SCD5: variants seen among roughly 807,000 people sequenced by gnomAD.
The protein encoded by SCD5 is acyl-CoA-desaturase 4.
Under a neutral mutation model 30.4 loss-of-function variants are expected in SCD5, and 20 were observed. That is an observed-to-expected ratio of 0.66 (90% CI 0.46 to 0.96). The LOEUF (loss-of-function observed/expected upper bound fraction) is 0.96, where lower values mean the gene tolerates loss of function less well. Ranked by LOEUF, SCD5 falls within the 40% of genes least tolerant of loss-of-function variation. The probability of loss-of-function intolerance (pLI) is 0.00; values close to 1 mark genes in which losing one functional copy is unlikely to be tolerated. For missense variants in SCD5, 381 were observed against 443.3 expected (o/e 0.86, Z 1.26); for synonymous variants, 173 against 176.4 (o/e 0.98, Z 0.16).
At chr4:82,718,365 TTCTCTCCGTCCTCA>T (rs1189880749) in intron 1 of SCD5, among the ~76,000 whole-genome samples, 3 of 151,726 alleles carry the variant, frequency 2.0e-5, no homozygotes, top group East Asian at 1.9e-4. Flanking sequence ...GAGGAGCTGT[TTCTCTCCGTCCTCA>T]TCTCTCCGTC....
intron 3 of SCD5, among the ~76,000 whole-genome samples, chr4:82,665,274 A>C (rs1475807716): frequency 2.7e-5 from 4 of 148,806 alleles, no homozygotes; most frequent in Non-Finnish European, 3.0e-5. Context: ...AAAGAGAAAC[A>C]GGTTAAAAAA....
At chr4:82,688,461 T>G (rs190729610) in intron 2 of SCD5, among the ~76,000 whole-genome samples, 1 of 152,324 alleles carries the variant, frequency 6.6e-6, no homozygotes, top group East Asian at 1.9e-4. Context: ...CTCTGGGGTC[T>G]AAACTTAATC....
rs1006186449 is a variant in SCD5 at position 82,705,185 on chromosome 4, T to C, written c.363+98A>G. On this transcript the variant is annotated intron_variant, in intron 2 of 4. Coordinates refer to ENST00000319540, the MANE Select transcript of SCD5 (RefSeq NM_001037582.3). ...GTGCTTGGGGCCTGAACACTGAGTC[T>C]AGGACAGGGGTGGAGGGGTGTCAGC... The C allele has an allele frequency of 2.0e-6, 3 of 1,473,260 alleles. No homozygotes were observed. The Admixed American group carries it at 5.4e-5, about 27-fold the overall frequency. 91.3% of individuals were successfully genotyped at this position (1,473,260 alleles called of 1,614,324 possible).
At position 82,636,973 on chromosome 4, in the gene SCD5, T is replaced by C. The variant is rs543817733; in HGVS notation, c.570-150A>G. ...GCTTTCTATATGTGGAAGCCTGTTG[T>C]GTAGGGGTCACAAGACCCATATACC... On this transcript the variant is annotated intron_variant, in intron 3 of 4. Transcript: ENST00000319540. The C allele has an allele frequency of 1.8e-5, 12 of 657,862 alleles. No individual in the cohort carries two copies. In the East Asian group the frequency reaches 2.5e-4, roughly 13 times the overall value. 40.8% of individuals were successfully genotyped at this position (657,862 alleles called of 1,614,324 possible). A position where few individuals can be genotyped will look rare whatever the true frequency, so the allele number is the denominator to read the frequency against.
intron 3 of SCD5, among the ~76,000 whole-genome samples, chr4:82,664,999 C>CTCTATATATATATATATATA (rs1219554314): frequency 2.8e-5 from 2 of 70,494 alleles, no homozygotes; most frequent in African/African-American, 1.5e-4. Flanking sequence ...CTCTCTCTCT[C>CTCTATATATATATATATATA]TATATATATA....
At chr4:82,660,420 T>G in intron 3 of SCD5, 1 of 830,840 alleles carries the variant, frequency 1.2e-6, no homozygotes, top group Non-Finnish European at 1.4e-6. Context: ...TAAACTCCTC[T>G]TAATCACTTT....
At chr4:82,691,890 A>G (rs1457131300) in intron 2 of SCD5, 2 of 152,404 alleles carry the variant, frequency 1.3e-5, no homozygotes, top group Admixed American at 1.3e-4. Flanking sequence ...TTCTCTAGCT[A>G]GGTGTGTCTG....
intron 3 of SCD5, among the ~76,000 whole-genome samples, chr4:82,641,314 G>T (rs1380285198): frequency 6.7e-6 from 1 of 149,736 alleles, no homozygotes; most frequent in African/African-American, 2.4e-5. Flanking sequence ...CCCTGGCTTT[G>T]TGGAGCAGGG....
intron 3 of SCD5, among the ~76,000 whole-genome samples, chr4:82,658,173 T>C (rs910957249): frequency 6.6e-6 from 1 of 152,164 alleles, no homozygotes; most frequent in Non-Finnish European, 1.5e-5. Flanking sequence ...TGTCTTGTGC[T>C]GGTTTCAAAG....
chr4:82,747,032 C>G (rs1402048401), intron 1 of SCD5, among the ~76,000 whole-genome samples: 1 of 133,424 alleles, frequency 7.5e-6, no homozygotes, highest in African/African-American at 2.9e-5. Flanking sequence ...AAGGGGAGTT[C>G]GGTTGGGGGG....
At chr4:82,675,560 A>G (rs945319553) in intron 3 of SCD5, among the ~76,000 whole-genome samples, 1 of 152,164 alleles carries the variant, frequency 6.6e-6, no homozygotes, top group Non-Finnish European at 1.5e-5. Flanking sequence ...TTATCTCATC[A>G]CCATGGCAAT....
chr4:82,637,595 C>G (rs970523954), intron 3 of SCD5, among the ~76,000 whole-genome samples: 5 of 152,266 alleles, frequency 3.3e-5, no homozygotes, highest in African/African-American at 1.2e-4. Context: ...TCACCGCCCT[C>G]TTGCCATGCA....
In SCD5 at chr4:82,712,317, T is replaced by A. The variant is rs13104960; in HGVS notation, c.233-6904A>T. ...ATATATTTTATTTTTATTTTATTTTTTTTTTTTGAGATGAAGTCTCGCTCT... is the reference window on the plus strand; with the variant it reads ...ATATATTTTATTTTTATTTTATTTTATTTTTTTGAGATGAAGTCTCGCTCT... On this transcript the variant is annotated intron_variant, in intron 1 of 4. Coordinates refer to ENST00000319540, the MANE Select transcript of SCD5 (RefSeq NM_001037582.3). Among the ~76,000 whole-genome samples the A allele has an allele frequency of 4.6e-3, 166 of 35,722 alleles. 19 individuals are homozygous for A. Among genetic ancestry groups the A allele is most frequent in the East Asian group, 0.016 (19 of 1,156 alleles). 23.4% of individuals were successfully genotyped at this position (35,722 alleles called of 152,430 possible).
chr4:82,797,471 G>A (rs1722249598), intron 1 of SCD5, among the ~76,000 whole-genome samples: 2 of 150,986 alleles, frequency 1.3e-5, no homozygotes, highest in Admixed American at 1.3e-4. Context: ...GGGGCCCAGG[G>A]GAAGGGGAAT....
intron 1 of SCD5, among the ~76,000 whole-genome samples, chr4:82,780,155 C>T (rs1208254378): frequency 1.3e-5 from 2 of 152,206 alleles, no homozygotes; most frequent in Admixed American, 6.5e-5. Context: ...CACAGTTCTA[C>T]ATTCCATGCC....
chr4:82,720,021 T>C (rs1444383697), intron 1 of SCD5, among the ~76,000 whole-genome samples: 1 of 151,932 alleles, frequency 6.6e-6, no homozygotes, highest in Admixed American at 6.5e-5. Context: ...AGGCTGGTAG[T>C]TGTAAAATGA....
chr4:82,791,048 G>A (rs1451001651), intron 1 of SCD5, among the ~76,000 whole-genome samples: 1 of 152,076 alleles, frequency 6.6e-6, no homozygotes, highest in Non-Finnish European at 1.5e-5. Flanking sequence ...GACCATCCTG[G>A]CCAACACGGT....
chr4:82,636,892 C>T, intron 3 of SCD5, 69 bp from the exon 4 acceptor site: 4 of 1,330,458 alleles, frequency 3.0e-6, no homozygotes, highest in Non-Finnish European at 4.1e-6. Flanking sequence ...GAGCAAGTCA[C>T]AGGAAAAGTC....
At chr4:82,793,053 G>C (rs186661811) in intron 1 of SCD5, among the ~76,000 whole-genome samples, 25 of 152,318 alleles carry the variant, frequency 1.6e-4, no homozygotes, top group African/African-American at 5.5e-4. Context: ...ATCCAGGCTT[G>C]GGTAAGGCTC....
Sources: gnomAD v4.1 joint callset for allele counts (sites outside exome capture counted in the v4.1 genomes callset) on GRCh38, gnomAD v4.1.1 for gene constraint, MANE v1.5 for transcripts, NCBI Gene and HGNC (gene_info 2026-07-23, HGNC 2026-07-21) for gene names.